The following FTCDNL1 variants were observed in gnomAD, a reference collection of about 807,000 sequenced individuals.
FTCDNL1 encodes formiminotransferase cyclodeaminase N-terminal like.
FTCDNL1 carries 11 observed loss-of-function variants against 5.9 expected under a neutral mutation model. The ratio of observed to expected loss-of-function variants is 1.87; its 90% CI spans 1.18 to 3.10. FTCDNL1 has a LOEUF of 3.10. Among genes scored for constraint, FTCDNL1 ranks in the 30% most tolerant of loss-of-function variants. The pLI, the probability that FTCDNL1 is intolerant of heterozygous loss-of-function variation, is 0.00. For synonymous variants in FTCDNL1, 58 were observed against 24.8 expected (o/e 2.34, Z -3.99); for missense variants, 115 against 65.5 (o/e 1.76, Z -2.61).
the FTCDNL1 span, among the ~76,000 whole-genome samples, chr2:199,747,293 C>A: frequency 6.6e-6 from 1 of 152,088 alleles, no homozygotes; most frequent in South Asian, 2.1e-4. Context: ...GACAGCTTCC[C>A]CACCCCAGGT....
At chr2:199,779,547 AT>A (rs945170840) in intron 3 of FTCDNL1, among the ~76,000 whole-genome samples, 4 of 152,128 alleles carry the variant, frequency 2.6e-5, no homozygotes, top group African/African-American at 9.7e-5. Context: ...ATTTCAATCC[AT>A]CTGCCTCTCT....
the FTCDNL1 span, among the ~76,000 whole-genome samples, chr2:199,667,296 G>C: frequency 6.6e-6 from 1 of 152,140 alleles, no homozygotes; most frequent in African/African-American, 2.4e-5. Flanking sequence ...ATTGTGTACA[G>C]ACGACCAAGA....
the FTCDNL1 span, among the ~76,000 whole-genome samples, chr2:199,735,357 C>G: frequency 6.6e-6 from 1 of 152,106 alleles, no homozygotes; most frequent in African/African-American, 2.4e-5. Flanking sequence ...AGCGCAGCAA[C>G]CTTAGTGAAA....
chr2:199,715,727 G>A, the FTCDNL1 span, among the ~76,000 whole-genome samples: 14 of 152,230 alleles, frequency 9.2e-5, no homozygotes, highest in South Asian at 1.2e-3. Flanking sequence ...TGAGGAAACT[G>A]AGACACAGAG....
At chr2:199,778,143 AAAG>A (rs1699184779) in intron 3 of FTCDNL1, among the ~76,000 whole-genome samples, 1 of 152,172 alleles carries the variant, frequency 6.6e-6, no homozygotes, top group Admixed American at 6.5e-5. Context: ...CACCATACAC[AAAG>A]AAGAATAATT....
intron 3 of FTCDNL1, among the ~76,000 whole-genome samples, chr2:199,772,070 G>A (rs977914959): frequency 6.6e-6 from 1 of 152,120 alleles, no homozygotes; most frequent in African/African-American, 2.4e-5. Flanking sequence ...GCAGAATAAG[G>A]GTTTCTTAAA....
the FTCDNL1 span, among the ~76,000 whole-genome samples, chr2:199,665,231 T>C: frequency 2.0e-3 from 305 of 152,274 alleles, 1 homozygote; most frequent in African/African-American, 6.7e-3. Context: ...GGGATCAAGA[T>C]ACACCTTTGC....
At chr2:199,830,672 C>A (rs1702312458) in intron 3 of FTCDNL1, among the ~76,000 whole-genome samples, 2 of 152,134 alleles carry the variant, frequency 1.3e-5, no homozygotes, top group Admixed American at 1.3e-4. Flanking sequence ...GGGGCCCTAA[C>A]CGCTCCAACA....
At chr2:199,722,871 T>C in the FTCDNL1 span, among the ~76,000 whole-genome samples, 1 of 152,280 alleles carries the variant, frequency 6.6e-6, no homozygotes, top group African/African-American at 2.4e-5. Flanking sequence ...GGGTATTTTA[T>C]TCCCTTTGTA....
the FTCDNL1 span, among the ~76,000 whole-genome samples, chr2:199,692,580 T>C: frequency 2.0e-5 from 3 of 152,174 alleles, no homozygotes; most frequent in African/African-American, 7.2e-5. Flanking sequence ...GGTATATAGA[T>C]CTACCATTTG....
chr2:199,721,798 A>G, the FTCDNL1 span, among the ~76,000 whole-genome samples: 1 of 152,134 alleles, frequency 6.6e-6, no homozygotes, highest in Admixed American at 6.5e-5. Flanking sequence ...TTGTTTCTTG[A>G]CTATTTAATA....
downstream of FTCDNL1, among the ~76,000 whole-genome samples, chr2:199,757,421 T>C (rs1178561637): frequency 6.6e-6 from 1 of 152,144 alleles, no homozygotes; most frequent in African/African-American, 2.4e-5. Context: ...CGGTTCCAGC[T>C]AATGATGGCG....
chr2:199,835,469 G>A (rs543200465), intron 3 of FTCDNL1, among the ~76,000 whole-genome samples: 20 of 151,996 alleles, frequency 1.3e-4, no homozygotes, highest in Non-Finnish European at 2.6e-4. Context: ...ATTATTGCAG[G>A]CTGTGAGTCT....
At chr2:199,722,985 A>T in the FTCDNL1 span, among the ~76,000 whole-genome samples, 5 of 151,668 alleles carry the variant, frequency 3.3e-5, no homozygotes, top group Admixed American at 6.6e-5. Flanking sequence ...TCTGGGGTGC[A>T]TGTGCAGAAT....
At chr2:199,693,413 T>C in the FTCDNL1 span, among the ~76,000 whole-genome samples, 4 of 152,358 alleles carry the variant, frequency 2.6e-5, no homozygotes, top group African/African-American at 9.6e-5. Flanking sequence ...CAATAGCGTA[T>C]ACTTTTTACT....
At chr2:199,754,116 C>T in the FTCDNL1 span, among the ~76,000 whole-genome samples, 1 of 152,170 alleles carries the variant, frequency 6.6e-6, no homozygotes, top group African/African-American at 2.4e-5. Flanking sequence ...GCAGAGACAG[C>T]AGAAGTGTGG....
the FTCDNL1 span, among the ~76,000 whole-genome samples, chr2:199,737,965 G>A: frequency 6.6e-6 from 1 of 152,186 alleles, no homozygotes; most frequent in African/African-American, 2.4e-5. Context: ...TGGGGAAGCT[G>A]CCTCAATGAC....
downstream of FTCDNL1, among the ~76,000 whole-genome samples, chr2:199,759,521 G>C (rs62178282): frequency 0.043 from 6,587 of 152,076 alleles, 163 homozygotes; most frequent in Non-Finnish European, 0.057. Flanking sequence ...TTATTCAGCT[G>C]TATCATACTA....
intron 3 of FTCDNL1, among the ~76,000 whole-genome samples, chr2:199,835,823 T>C (rs1702693369): frequency 6.6e-6 from 1 of 152,134 alleles, no homozygotes; most frequent in Non-Finnish European, 1.5e-5. Context: ...AATACCAAAC[T>C]CTGAGTGTTG....
Sources: gnomAD v4.1 joint callset for allele counts (sites outside exome capture counted in the v4.1 genomes callset) on GRCh38, gnomAD v4.1.1 for gene constraint, MANE v1.5 for transcripts, NCBI Gene and HGNC (gene_info 2026-07-23, HGNC 2026-07-21) for gene names.